The following STIM1 variants were observed in gnomAD, a reference collection of about 807,000 sequenced individuals.
STIM1 encodes stromal interaction molecule 1.
Under a neutral mutation model 74.7 loss-of-function variants are expected in STIM1, and 25 were observed. The observed-to-expected ratio is 0.33, with a 90% CI of 0.24 to 0.47. STIM1 has a LOEUF of 0.47. Ranked by LOEUF, STIM1 falls within the 20% of genes least tolerant of loss-of-function variation. The probability of loss-of-function intolerance (pLI) is 1.00; values close to 1 mark genes in which losing one functional copy is unlikely to be tolerated. For missense variants in STIM1, 728 were observed against 920.8 expected (o/e 0.79, Z 2.71); for synonymous variants, 328 against 348.8 (o/e 0.94, Z 0.66).
chr11:3,874,842 G>T (rs191214588), intron 1 of STIM1, among the ~76,000 whole-genome samples: 50 of 152,344 alleles, frequency 3.3e-4, no homozygotes, highest in African/African-American at 1.2e-3. Flanking sequence ...ACTGGCAAGG[G>T]TAAGGGTTTT....
intron 1 of STIM1, among the ~76,000 whole-genome samples, chr11:3,916,126 T>C (rs2092639266): frequency 6.6e-6 from 1 of 152,212 alleles, no homozygotes; most frequent in Non-Finnish European, 1.5e-5. Flanking sequence ...TATGAAGATT[T>C]ACTCCTCAGT....
chr11:4,011,160 A>C (rs1359152675), intron 2 of STIM1, among the ~76,000 whole-genome samples: 1 of 152,192 alleles, frequency 6.6e-6, no homozygotes, highest in African/African-American at 2.4e-5. Context: ...GCTATTGTGA[A>C]TAGTGCCGCA....
intron 2 of STIM1, among the ~76,000 whole-genome samples, chr11:3,968,999 C>T (rs1198135330): frequency 2.6e-5 from 4 of 152,216 alleles, no homozygotes; most frequent in South Asian, 2.1e-4. Flanking sequence ...AGCCCATGCT[C>T]TTAAGTACTG....
Position 4,091,382 on chromosome 11 carries a change from C to T in STIM1, c.1735C>T (p.Leu579Phe), listed in dbSNP as rs2094524042. 1 of 1,614,222 alleles carries T rather than the reference C, an allele frequency of 6.2e-7. No homozygotes were observed. The highest frequency in any genetic ancestry group is 8.5e-7 in the Non-Finnish European group (1 of 1,180,046). Reference sequence around the variant, plus strand: ...GATGAGCCGTGCTGCAGACGAGGCTCTCAATGCCATGACTTCCAATGGCAG... The same window carrying T: ...GATGAGCCGTGCTGCAGACGAGGCTTTCAATGCCATGACTTCCAATGGCAG... The part of the protein sequence containing the change: ...PQMSRAADEA[L>F]NAMTSNGSHR... The change falls in exon 13 of 13, where the codon CTC (leucine) becomes TTC (phenylalanine). Residue 579 changes from leucine (L) to phenylalanine (F), a missense_variant. This residue lies in a region of STIM1 where 352 missense variants were observed against 370.1 expected (regional missense o/e 0.95). Coordinates refer to ENST00000526596, the MANE Select transcript of STIM1 (RefSeq NM_001382567.1).
intron 1 of STIM1, among the ~76,000 whole-genome samples, chr11:3,947,100 G>GTTTTTTTTTTTTTTTTTTTTTTT (rs57701004): frequency 1.4e-5 from 2 of 139,350 alleles, no homozygotes; most frequent in Non-Finnish European, 1.6e-5. Flanking sequence ...CATTCTTAGT[G>GTTTTTTTTTTTTTTTTTTTTTTT]TTTTTTTTTT....
chr11:3,880,492 T>C (rs1027215075), intron 1 of STIM1, among the ~76,000 whole-genome samples: 3 of 152,218 alleles, frequency 2.0e-5, no homozygotes, highest in African/African-American at 4.8e-5. Context: ...TGTCAAACTT[T>C]GGGAGTAAAA....
intron 1 of STIM1, among the ~76,000 whole-genome samples, chr11:3,937,184 G>A (rs993683953): frequency 1.3e-5 from 2 of 151,820 alleles, no homozygotes; most frequent in Non-Finnish European, 2.9e-5. Context: ...CTAGCTACTT[G>A]GAAGGCTGAG....
intron 1 of STIM1, among the ~76,000 whole-genome samples, chr11:3,898,649 G>C (rs1437588073): frequency 1.3e-5 from 2 of 151,718 alleles, no homozygotes; most frequent in Admixed American, 6.6e-5. Context: ...ATGATTTTAG[G>C]TCTAACGTTT....
At chr11:3,956,732 A>G (rs1430667589) in intron 1 of STIM1, among the ~76,000 whole-genome samples, 2 of 143,904 alleles carry the variant, frequency 1.4e-5, no homozygotes. Flanking sequence ...CTAAGGCAGG[A>G]GGATTGCTTG....
intron 2 of STIM1, among the ~76,000 whole-genome samples, chr11:4,003,161 A>C (rs1321984169): frequency 6.9e-6 from 1 of 145,174 alleles, no homozygotes; most frequent in Non-Finnish European, 1.5e-5. Context: ...CCAGAGGTAC[A>C]AGGAGGAACT....
At chr11:4,017,846 T>A in intron 2 of STIM1, among the ~76,000 whole-genome samples, 1 of 152,254 alleles carries the variant, frequency 6.6e-6, no homozygotes, top group Admixed American at 6.5e-5. Flanking sequence ...GCTCATGTTA[T>A]TGCAATACCC....
At chr11:3,986,271 C>T (rs918475022) in intron 2 of STIM1, among the ~76,000 whole-genome samples, 1 of 152,088 alleles carries the variant, frequency 6.6e-6, no homozygotes, top group Non-Finnish European at 1.5e-5. Flanking sequence ...AAACACTATC[C>T]AGAAAAGGTA....
chr11:3,958,358 G>A (rs2093243193), intron 1 of STIM1, among the ~76,000 whole-genome samples: 1 of 152,104 alleles, frequency 6.6e-6, no homozygotes, highest in Admixed American at 6.5e-5. Context: ...TAAAAAGGAA[G>A]TTAGAGCTTA....
At chr11:4,003,842 T>C (rs934218507) in intron 2 of STIM1, among the ~76,000 whole-genome samples, 3 of 152,140 alleles carry the variant, frequency 2.0e-5, no homozygotes, top group Non-Finnish European at 4.4e-5. Context: ...GAAAACCCCA[T>C]TGTCTCAGCC....
chr11:3,974,103 T>C (rs2093422409), intron 2 of STIM1: 9 of 690,618 alleles, frequency 1.3e-5, no homozygotes, highest in South Asian at 9.0e-5. Flanking sequence ...GGATCTCTCA[T>C]TACCACAGTC....
chr11:3,869,171 G>A (rs764425485), intron 1 of STIM1, among the ~76,000 whole-genome samples: 3 of 152,056 alleles, frequency 2.0e-5, no homozygotes, highest in Non-Finnish European at 2.9e-5. Flanking sequence ...GGTTTTCACC[G>A]TGTTAGCCAG....
At chr11:4,077,962 T>G (rs560983231) in intron 7 of STIM1, among the ~76,000 whole-genome samples, 2 of 152,242 alleles carry the variant, frequency 1.3e-5, no homozygotes, top group Non-Finnish European at 2.9e-5. Flanking sequence ...CAATCATAAT[T>G]ATTTTGAAGT....
chr11:4,059,895 C>A (rs540090618), intron 5 of STIM1, among the ~76,000 whole-genome samples: 114 of 152,300 alleles, frequency 7.5e-4, no homozygotes, highest in African/African-American at 2.2e-3. Flanking sequence ...ATAGAAGTAA[C>A]CCCCTATGGG....
intron 1 of STIM1, among the ~76,000 whole-genome samples, chr11:3,913,681 A>G (rs1163797407): frequency 6.6e-6 from 1 of 152,212 alleles, no homozygotes; most frequent in Admixed American, 6.5e-5. Context: ...GAATTAAACA[A>G]TTCAGTAGCA....
Sources: gnomAD v4.1 joint callset for allele counts (sites outside exome capture counted in the v4.1 genomes callset) on GRCh38, gnomAD v4.1.1 for gene constraint, gnomAD v4.1.1 regional missense constraint, MANE v1.5 for transcripts, NCBI Gene and HGNC (gene_info 2026-07-23, HGNC 2026-07-21) for gene names.